Variants in CECR2 observed in about 807,000 individuals in gnomAD.
CECR2 encodes CECR2 histone acetyl-lysine reader.
In CECR2, 30 loss-of-function variants were observed where a neutral mutation model predicts 154.5. The observed-to-expected ratio is 0.19, with a 90% CI of 0.15 to 0.26. CECR2 has a LOEUF of 0.26. Among genes scored for constraint, CECR2 ranks in the 10% least tolerant of loss-of-function variants. CECR2 has a pLI of 1.00. For synonymous variants in CECR2, 725 were observed against 683.7 expected (o/e 1.06, Z -0.94); for missense variants, 1,743 against 1,829.3 (o/e 0.95, Z 0.86).
intron 16 of CECR2, 147 bp from the exon 17 acceptor site, chr22:17,548,001 G>A (rs2056640016): frequency 1.4e-6 from 1 of 717,704 alleles, no homozygotes; most frequent in South Asian, 2.0e-5. Context: ...CCAATGTCCT[G>A]CCCTCTTTCA....
intron 1 of CECR2, among the ~76,000 whole-genome samples, chr22:17,403,936 AG>A (rs2053934462): frequency 6.6e-6 from 1 of 151,588 alleles, no homozygotes; most frequent in Non-Finnish European, 1.5e-5. Context: ...TTGAGTGGGG[AG>A]GGGGCATGTG....
At chr22:17,506,158 A>G (rs1189063231) in intron 7 of CECR2, among the ~76,000 whole-genome samples, 1 of 151,314 alleles carries the variant, frequency 6.6e-6, no homozygotes, top group Non-Finnish European at 1.5e-5. Flanking sequence ...TTATTGCTTT[A>G]AGACAGGGTC....
Position 17,422,399 on chromosome 22 carries a change from A to G in CECR2, c.126+52490A>G, listed in dbSNP as rs775416784. On this transcript the variant is annotated intron_variant, in intron 1 of 18. Coordinates refer to ENST00000262608, the MANE Select transcript of CECR2 (RefSeq NM_001290047.2). Reference sequence around the variant, plus strand: ...CTTGTAGTAGAGATGGGGTTTCACTATGTTGGCCAGGCTGATCTCGAACTC... The same window carrying G: ...CTTGTAGTAGAGATGGGGTTTCACTGTGTTGGCCAGGCTGATCTCGAACTC... Among the ~76,000 whole-genome samples the G allele has an allele frequency of 5.9e-5, 9 of 152,122 alleles. No individual in the cohort carries two copies. In the South Asian group the frequency reaches 8.3e-4, roughly 14 times the overall value.
intron 9 of CECR2, among the ~76,000 whole-genome samples, chr22:17,527,622 C>T (rs571964672): frequency 6.6e-6 from 1 of 152,198 alleles, no homozygotes; most frequent in East Asian, 1.9e-4. Context: ...CTAAAATTAG[C>T]TAGGCATGGT....
At chr22:17,538,338 A>G (rs182769153) in intron 10 of CECR2, among the ~76,000 whole-genome samples, 182 bp from the exon 11 acceptor site, 47 of 152,362 alleles carry the variant, frequency 3.1e-4, no homozygotes, top group Admixed American at 3.1e-3. Flanking sequence ...CAGTTTTGCT[A>G]AGGTCCACTG....
intron 1 of CECR2, among the ~76,000 whole-genome samples, chr22:17,456,323 C>T (rs2054853918): frequency 6.6e-6 from 1 of 151,908 alleles, no homozygotes; most frequent in Non-Finnish European, 1.5e-5. Flanking sequence ...ATTTTCTGGC[C>T]ATCTTGGTTC....
At chr22:17,410,585 C>G (rs1427169623) in intron 1 of CECR2, among the ~76,000 whole-genome samples, 1 of 151,710 alleles carries the variant, frequency 6.6e-6, no homozygotes, top group Non-Finnish European at 1.5e-5. Context: ...GTAGCTGGGA[C>G]TACAGGCGCA....
chr22:17,495,578 A>AC (rs1288628724), intron 2 of CECR2, among the ~76,000 whole-genome samples: 1 of 148,666 alleles, frequency 6.7e-6, no homozygotes, highest in South Asian at 2.1e-4. Flanking sequence ...AAAAAAAAAA[A>AC]AAAAACGGGT....
At chr22:17,524,618 T>C (rs781577110) in intron 9 of CECR2, among the ~76,000 whole-genome samples, 5 of 138,688 alleles carry the variant, frequency 3.6e-5, no homozygotes, top group East Asian at 2.2e-4. Context: ...GGTCTCGATA[T>C]CTTGACCTCG....
intron 1 of CECR2, among the ~76,000 whole-genome samples, chr22:17,457,936 A>G (rs1238676820): frequency 6.6e-6 from 1 of 152,248 alleles, no homozygotes; most frequent in African/African-American, 2.4e-5. Context: ...TCATTTACAT[A>G]TAACATCATT....
chr22:17,465,587 C>T (rs113910237), intron 1 of CECR2, among the ~76,000 whole-genome samples: 18,304 of 152,036 alleles, frequency 0.12, 1,485 homozygotes, highest in African/African-American at 0.23. Flanking sequence ...TGGGTTCAAA[C>T]GATTCTCCTG....
Position 17,504,848 on chromosome 22 carries a change from G to T in CECR2, c.702G>T (p.Gly234=). 1 of 1,612,486 alleles carries T rather than the reference G, an allele frequency of 6.2e-7. No individual in the cohort carries two copies. Residue 234 remains glycine, a splice_region_variant and synonymous_variant, in exon 7 of 19, where the codon GGG becomes GGT. Transcript: ENST00000262608. The stretch of plus-strand genomic sequence containing the variant: ...TGAATCCGTTCCTTTATTTTCTAGG[G>T]TCCCAAGGGCCAGGCCAAGGTACTT... ...SLASEPQTRH[G]SQGPGQGTWW...
chr22:17,542,978 A>C lies in CECR2; in HGVS notation c.2835A>C (p.Glu945Asp). ...CTGGGAGGGCACCGGAGAACAGTGA[A>C]GCACAAGAGCCTGAGAATGACCAAG... ...GNPGRAPENS[E>D]AQEPENDQAE... is the part of the protein sequence containing the mutation. The change falls in exon 16 of 19, where the codon GAA (glutamate) becomes GAC (aspartate). Residue 945 changes from glutamate to aspartate, a missense_variant. Glu to Asp is a conservative substitution (Grantham distance 45). This residue lies in a region of CECR2 where 1,250 missense variants were observed against 1,192.1 expected (regional missense o/e 1.05). Transcript: ENST00000262608. 1 of 1,611,092 alleles carries C rather than the reference A, an allele frequency of 6.2e-7. No individual in the cohort carries two copies. The highest frequency in any genetic ancestry group is 8.5e-7 in the Non-Finnish European group (1 of 1,178,274).
At chr22:17,449,320 TTGTC>T (rs1348235899) in intron 1 of CECR2, among the ~76,000 whole-genome samples, 24 of 152,030 alleles carry the variant, frequency 1.6e-4, no homozygotes, top group Admixed American at 1.4e-3. Context: ...TGTCACCTGT[TTGTC>T]TGTTTCTCGG....
rs548451038 is a variant in CECR2, at chr22:17,390,934, A to G, written c.126+21025A>G. ...GCTTCAGCTTTTTAAAGCTTTTCCT[A>G]TTTTATTTTGAGAATTTTCAGATGT... On this transcript the variant is annotated intron_variant, in intron 1 of 18. Coordinates refer to ENST00000262608, the MANE Select transcript of CECR2 (RefSeq NM_001290047.2). 2.6e-5 allele frequency among the ~76,000 whole-genome samples: 4 copies of G among 152,288 alleles called. No homozygotes were observed. In the East Asian group the frequency reaches 5.8e-4, roughly 22 times the overall value.
intron 1 of CECR2, among the ~76,000 whole-genome samples, chr22:17,436,254 G>T (rs1209981424): frequency 1.3e-5 from 2 of 152,152 alleles, no homozygotes; most frequent in African/African-American, 4.8e-5. Flanking sequence ...CACTGCACCC[G>T]GCCTTTAGTT....
chr22:17,374,878 C>G (rs566950497), intron 1 of CECR2, among the ~76,000 whole-genome samples: 1 of 152,190 alleles, frequency 6.6e-6, no homozygotes, highest in South Asian at 2.1e-4. Context: ...GGGACTCTCA[C>G]CTGGATCTCA....
intron 1 of CECR2, among the ~76,000 whole-genome samples, chr22:17,451,532 A>G (rs913824101): frequency 4.6e-5 from 7 of 152,090 alleles, no homozygotes; most frequent in Admixed American, 3.3e-4. Flanking sequence ...TTCCTCAGAT[A>G]AGAGTTCTTT....
At chr22:17,372,490 AC>A (rs2063072540) in intron 1 of CECR2, among the ~76,000 whole-genome samples, 1 of 151,886 alleles carries the variant, frequency 6.6e-6, no homozygotes, top group Admixed American at 6.6e-5. Flanking sequence ...ACATGATGAA[AC>A]CCCGTTTCTA....
Sources: gnomAD v4.1 joint callset for allele counts (sites outside exome capture counted in the v4.1 genomes callset) on GRCh38, gnomAD v4.1.1 for gene constraint, gnomAD v4.1.1 regional missense constraint, MANE v1.5 for transcripts, NCBI Gene and HGNC (gene_info 2026-07-23, HGNC 2026-07-21) for gene names.